RSF1: variants seen among roughly 807,000 people sequenced by gnomAD.
RSF1 encodes the protein remodeling and spacing factor 1.
A neutral mutation model predicts 145.2 loss-of-function variants in RSF1; 13 were observed. The ratio of observed to expected loss-of-function variants is 0.09; its 90% CI spans 0.06 to 0.14. The LOEUF is 0.14. RSF1 is among the 10% of genes least tolerant of loss of function. The pLI, the probability that RSF1 is intolerant of heterozygous loss-of-function variation, is 1.00. For missense variants in RSF1, 1,517 were observed against 1,718.2 expected (o/e 0.88, Z 2.07); for synonymous variants, 577 against 592.6 (o/e 0.97, Z 0.38).
At chr11:77,687,178 C>T (rs543477778) in intron 9 of RSF1, among the ~76,000 whole-genome samples, 2 of 152,016 alleles carry the variant, frequency 1.3e-5, no homozygotes, top group African/African-American at 4.8e-5. Context: ...TGTATACATG[C>T]ACACACACAC....
chr11:77,844,360 C>G, the RSF1 span, among the ~76,000 whole-genome samples: 3 of 151,700 alleles, frequency 2.0e-5, no homozygotes, highest in African/African-American at 7.3e-5. Context: ...ACAGTTTTTT[C>G]TTTCTTTCTT....
intron 5 of RSF1, among the ~76,000 whole-genome samples, chr11:77,719,421 G>C (rs1057178315): frequency 6.6e-6 from 1 of 152,118 alleles, no homozygotes; most frequent in African/African-American, 2.4e-5. Flanking sequence ...CCAAGCACCT[G>C]AGACTAAGCC....
intron 1 of RSF1, among the ~76,000 whole-genome samples, chr11:77,790,459 G>A (rs894498088): frequency 2.6e-5 from 4 of 151,876 alleles, no homozygotes; most frequent in South Asian, 4.2e-4. Flanking sequence ...ATCCTGCCCC[G>A]GCCCCTCCCA....
the RSF1 span, among the ~76,000 whole-genome samples, chr11:77,832,654 A>C: frequency 6.6e-6 from 1 of 151,786 alleles, no homozygotes; most frequent in Non-Finnish European, 1.5e-5. Context: ...TTATTCTTCA[A>C]ATGTATTTCC....
the RSF1 span, among the ~76,000 whole-genome samples, chr11:77,856,429 A>T: frequency 1.3e-5 from 2 of 152,118 alleles, no homozygotes; most frequent in African/African-American, 4.8e-5. Context: ...CCCATTACCT[A>T]GTTCCATAGC....
At chr11:77,740,007 C>A (rs1961469110) in intron 4 of RSF1, among the ~76,000 whole-genome samples, 8 of 152,178 alleles carry the variant, frequency 5.3e-5, no homozygotes. Context: ...GTATGCACAG[C>A]AAATAGAATA....
chr11:77,817,363 T>C lies in RSF1; in HGVS notation c.187+3165A>G, dbSNP rs535101963. 1.8e-4 allele frequency among the ~76,000 whole-genome samples: 27 copies of C among 152,350 alleles called. No homozygotes were observed. The South Asian group carries it at 4.1e-3, about 23-fold the overall frequency. The stretch of plus-strand genomic sequence containing the variant: ...TGCTATCCTCTTTCCTGCTGCATAC[T>C]GACTTTTTTGTGAATTTTACCACAG... On this transcript the variant is annotated intron_variant, in intron 1 of 15. Coordinates refer to ENST00000308488, the MANE Select transcript of RSF1 (RefSeq NM_016578.4).
At chr11:77,780,489 T>C (rs1414666530) in intron 1 of RSF1, among the ~76,000 whole-genome samples, 2 of 152,062 alleles carry the variant, frequency 1.3e-5, no homozygotes, top group East Asian at 1.9e-4. Flanking sequence ...AATTAATAGA[T>C]GACAAAAGGC....
intron 7 of RSF1, 33 bp downstream of exon 7, chr11:77,698,454 T>C (rs1218353071): frequency 3.8e-6 from 6 of 1,582,830 alleles, no homozygotes; most frequent in African/African-American, 1.3e-5. Flanking sequence ...ATGTCTGTAA[T>C]ATGAGTATTC....
At chr11:77,716,269 G>C (rs1018684910) in intron 5 of RSF1, among the ~76,000 whole-genome samples, 1 of 152,068 alleles carries the variant, frequency 6.6e-6, no homozygotes, top group Non-Finnish European at 1.5e-5. Context: ...ATCCCACTAC[G>C]GGGTATATCC....
chr11:77,692,773 G>A (rs1268050402), intron 8 of RSF1, among the ~76,000 whole-genome samples: 2 of 150,870 alleles, frequency 1.3e-5, no homozygotes, highest in African/African-American at 2.4e-5. Context: ...TGTCTCCCGG[G>A]TTCAATCGAT....
In RSF1 at chr11:77,747,279, C is replaced by T. The variant is rs1374018463; in HGVS notation, c.280-151G>A. 7.6e-6 allele frequency: 4 copies of T among 524,160 alleles called. No homozygotes were observed. In the African/African-American group the frequency reaches 7.9e-5, roughly 10 times the overall value. 32.5% of individuals were successfully genotyped at this position (524,160 alleles called of 1,614,324 possible). ...ATCCAACTGCACCCTAAAATGCATA[C>T]TACTTAAAATGATAAAAAATATTTA... On this transcript the variant is annotated intron_variant, in intron 2 of 15. Transcript: ENST00000308488.
At chr11:77,699,703 G>A (rs1960367777) in intron 6 of RSF1, among the ~76,000 whole-genome samples, 1 of 152,202 alleles carries the variant, frequency 6.6e-6, no homozygotes, top group Non-Finnish European at 1.5e-5. Flanking sequence ...TGTGGAAGTA[G>A]CTATCAAAAC....
intron 1 of RSF1, among the ~76,000 whole-genome samples, chr11:77,799,496 C>T (rs1363152863): frequency 7.7e-5 from 11 of 143,704 alleles, no homozygotes; most frequent in Middle Eastern, 3.5e-3. Context: ...AGAGTGAGAC[C>T]CTGTCTCCAA....
chr11:77,786,236 A>T (rs1482818703), intron 1 of RSF1, among the ~76,000 whole-genome samples: 1 of 152,116 alleles, frequency 6.6e-6, no homozygotes, highest in Non-Finnish European at 1.5e-5. Context: ...TATCCCCACA[A>T]ATACTATGTA....
chr11:77,788,302 T>A (rs138287666), intron 1 of RSF1, among the ~76,000 whole-genome samples: 1 of 143,942 alleles, frequency 6.9e-6, no homozygotes, highest in African/African-American at 2.6e-5. Context: ...TTACTGGTAA[T>A]AGAATCAGTA....
At chr11:77,824,978 G>T (rs561119561), upstream of RSF1, among the ~76,000 whole-genome samples, 51 of 151,818 alleles carry the variant, frequency 3.4e-4, 1 homozygote, top group Middle Eastern at 6.8e-3. Flanking sequence ...TAGTTTTTTT[G>T]TTGTTGTTGT....
chr11:77,819,869 G>C (rs1948831045), intron 1 of RSF1, among the ~76,000 whole-genome samples: 1 of 152,070 alleles, frequency 6.6e-6, no homozygotes, highest in Admixed American at 6.5e-5. Context: ...GAATGGAGAA[G>C]AACCCCCTCC....
At chr11:77,729,922 A>AAAAAAAAAAAAAAAAAAAAAAC (rs1961160036) in intron 4 of RSF1, among the ~76,000 whole-genome samples, 1 of 144,916 alleles carries the variant, frequency 6.9e-6, no homozygotes, top group African/African-American at 2.6e-5. Flanking sequence ...AAAAAAAAAA[A>AAAAAAAAAAAAAAAAAAAAAAC]ATTGTGGAGG....
Sources: allele counts gnomAD v4.1 joint callset (sites outside exome capture counted in the v4.1 genomes callset), GRCh38; gene constraint gnomAD v4.1.1; transcripts MANE v1.5; gene names NCBI Gene and HGNC (gene_info 2026-07-23, HGNC 2026-07-21).